Variants in ACSS3 observed in about 807,000 individuals in gnomAD.
The protein encoded by ACSS3 is acyl-CoA synthetase short-chain family member 3, mitochondrial.
In ACSS3, 64 loss-of-function variants were observed where a neutral mutation model predicts 84.2. The ratio of observed to expected loss-of-function variants is 0.76; its 90% confidence interval spans 0.62 to 0.94. The LOEUF is 0.94. Among genes scored for constraint, ACSS3 ranks in the 40% least tolerant of loss-of-function variants. The pLI is 0.00. For synonymous variants in ACSS3, 317 were observed against 310.1 expected (o/e 1.02, Z -0.23); for missense variants, 815 against 867.6 (o/e 0.94, Z 0.76).
chr12:81,133,207 G>C (rs972276071), intron 2 of ACSS3, among the ~76,000 whole-genome samples: 1 of 151,768 alleles, frequency 6.6e-6, no homozygotes, highest in Non-Finnish European at 1.5e-5. Flanking sequence ...AAATAGAAAA[G>C]AGAAAAATGG....
chr12:81,242,826 T>C (rs1040420019), intron 13 of ACSS3, among the ~76,000 whole-genome samples: 6 of 151,742 alleles, frequency 4.0e-5, no homozygotes, highest in Non-Finnish European at 7.4e-5. Context: ...TGCTAAAACC[T>C]CTCAATAAAT....
intron 7 of ACSS3, among the ~76,000 whole-genome samples, chr12:81,168,452 C>A (rs972586739): frequency 6.6e-6 from 1 of 152,212 alleles, no homozygotes; most frequent in East Asian, 1.9e-4. Context: ...ATGAACTCCT[C>A]TGAAGTTCGA....
chr12:81,206,270 G>C (rs2032340765), intron 9 of ACSS3, among the ~76,000 whole-genome samples: 1 of 152,090 alleles, frequency 6.6e-6, no homozygotes, highest in African/African-American at 2.4e-5. Context: ...AAAGATAATG[G>C]ATTGAGCTAG....
At chr12:81,194,643 G>T (rs1473584050) in intron 8 of ACSS3, among the ~76,000 whole-genome samples, 3 of 151,922 alleles carry the variant, frequency 2.0e-5, no homozygotes, top group Non-Finnish European at 4.4e-5. Flanking sequence ...CCAGCATGAC[G>T]ATTGCTATAA....
intron 11 of ACSS3, among the ~76,000 whole-genome samples, chr12:81,229,548 T>G (rs1233360978): frequency 5.9e-5 from 9 of 151,922 alleles, no homozygotes; most frequent in Non-Finnish European, 1.2e-4. Flanking sequence ...TTATTTGTAT[T>G]GTTATTTACA....
In ACSS3 at chr12:81,109,566, G is replaced by A. The variant is rs1168647544; in HGVS notation, c.318G>A (p.Val106=). ...CTTTCCAATTATTTTTCAGGTTTGT[G>A]GAAGGAATGCTTAACATTTGTTACA... ...NKHSPSTRWF[V]EGMLNICYNA... The change falls in exon 2 of 16, where the codon GTG becomes GTA. Residue 106 remains valine (V), a synonymous_variant. Coordinates refer to ENST00000548058, the MANE Select transcript of ACSS3 (RefSeq NM_024560.4). 8 of 1,603,662 alleles carry A rather than the reference G, an allele frequency of 5.0e-6. No homozygotes were observed. Among genetic ancestry groups the A allele is most frequent in the East Asian group, 2.2e-5 (1 of 44,590 alleles).
At chr12:81,128,743 G>A (rs1885283343) in intron 2 of ACSS3, among the ~76,000 whole-genome samples, 1 of 152,076 alleles carries the variant, frequency 6.6e-6, no homozygotes, top group Non-Finnish European at 1.5e-5. Context: ...GACATTTATG[G>A]TAGGATAAGA....
chr12:81,116,306 A>G (rs866293458), intron 2 of ACSS3, among the ~76,000 whole-genome samples: 6 of 152,104 alleles, frequency 3.9e-5, no homozygotes, highest in Admixed American at 1.3e-4. Context: ...AATAGAAAGT[A>G]TAGGGAATTA....
intron 12 of ACSS3, among the ~76,000 whole-genome samples, chr12:81,232,714 G>A (rs977104935): frequency 6.6e-6 from 1 of 151,678 alleles, no homozygotes; most frequent in Non-Finnish European, 1.5e-5. Flanking sequence ...TCCAGGATTT[G>A]TACTGAAGTC....
intron 1 of ACSS3, among the ~76,000 whole-genome samples, chr12:81,108,514 T>A (rs896997244): frequency 6.6e-6 from 1 of 151,954 alleles, no homozygotes; most frequent in African/African-American, 2.4e-5. Context: ...TCTGACCTCG[T>A]GATCCACCCA....
chr12:81,197,129 C>CT (rs1303975887), intron 8 of ACSS3, among the ~76,000 whole-genome samples: 2 of 151,826 alleles, frequency 1.3e-5, no homozygotes, highest in Non-Finnish European at 2.9e-5. Flanking sequence ...TAACTAAAAC[C>CT]TTTTTGACAT....
chr12:81,179,271 C>CA lies in ACSS3; in HGVS notation c.1250+4350dup, dbSNP rs71098127. Among the ~76,000 whole-genome samples the CA allele has an allele frequency of 0.011, 733 of 66,608 alleles. 14 individuals carry two copies. The East Asian group carries it at 0.17, about 15-fold the overall frequency. The allele number at this position is 66,608 out of a possible 152,430, so 43.7% of individuals were successfully genotyped here. A position where few individuals can be genotyped will look rare whatever the true frequency, so the allele number is the denominator to read the frequency against. On this transcript the variant is annotated intron_variant, in intron 8 of 15. Coordinates refer to ENST00000548058, the MANE Select transcript of ACSS3 (RefSeq NM_024560.4). Reference sequence around the variant, plus strand: ...TGATGAAGACTCCAAAAGTAATTGCCAAAAAAAAAAAAAAAAAAGAAAAAG... The same window carrying CA: ...TGATGAAGACTCCAAAAGTAATTGCCAAAAAAAAAAAAAAAAAAAGAAAAAG...
intron 13 of ACSS3, 72 bp from the exon 14 acceptor site, chr12:81,253,235 C>T: frequency 1.4e-6 from 2 of 1,417,788 alleles, no homozygotes; most frequent in Non-Finnish European, 2.0e-6. Context: ...ATATCTGTAT[C>T]TATATCTATA....
At chr12:81,152,898 T>G (rs917758027) in intron 7 of ACSS3, among the ~76,000 whole-genome samples, 3 of 152,206 alleles carry the variant, frequency 2.0e-5, no homozygotes, top group Non-Finnish European at 4.4e-5. Flanking sequence ...TTGTAGTTTA[T>G]GTAGCCAAAT....
intron 5 of ACSS3, among the ~76,000 whole-genome samples, chr12:81,148,425 C>T (rs1443879695): frequency 1.1e-4 from 16 of 152,180 alleles, no homozygotes; most frequent in Non-Finnish European, 2.9e-5. Context: ...TCTGTGATAA[C>T]TTTGTGGTCC....
At chr12:81,101,673 G>A (rs4842382) in intron 1 of ACSS3, among the ~76,000 whole-genome samples, 49,262 of 151,792 alleles carry the variant, frequency 0.32, 8,278 homozygotes, top group Admixed American at 0.45. Flanking sequence ...GCCCTCCTAA[G>A]TTGCTGAACA....
chr12:81,204,923 A>G (rs2032280045), intron 9 of ACSS3, among the ~76,000 whole-genome samples: 1 of 152,150 alleles, frequency 6.6e-6, no homozygotes, highest in Non-Finnish European at 1.5e-5. Context: ...GAGGAATTTC[A>G]ATGAGAAAAC....
intron 9 of ACSS3, among the ~76,000 whole-genome samples, chr12:81,201,384 G>A (rs546850886): frequency 1.3e-5 from 2 of 152,312 alleles, no homozygotes; most frequent in African/African-American, 4.8e-5. Flanking sequence ...CAAGGTGACT[G>A]TGCCAAAACT....
rs113690301 is a variant in ACSS3, at chr12:81,081,723, T to C, written c.311+3292T>C. Among the ~76,000 whole-genome samples, 958 of 152,354 alleles carry C rather than the reference T, an allele frequency of 6.3e-3. 7 individuals carry two copies. The highest frequency in any genetic ancestry group is 0.018 in the African/African-American group (734 of 41,586). ...CTTTTATTTAAACAACATTCAATGATAGGATTCTCATATACCATTTGTTTA... is the reference window on the plus strand; with the variant it reads ...CTTTTATTTAAACAACATTCAATGACAGGATTCTCATATACCATTTGTTTA... On this transcript the variant is annotated intron_variant, in intron 1 of 15. Coordinates refer to ENST00000548058, the MANE Select transcript of ACSS3 (RefSeq NM_024560.4).
Sources: allele counts gnomAD v4.1 joint callset (sites outside exome capture counted in the v4.1 genomes callset), GRCh38; gene constraint gnomAD v4.1.1; transcripts MANE v1.5; gene names NCBI Gene and HGNC (gene_info 2026-07-23, HGNC 2026-07-21).